Variants in ABCA4 observed in about 807,000 individuals in gnomAD.
ABCA4 encodes ATP binding cassette subfamily A member 4.
A neutral mutation model predicts 263.7 loss-of-function variants in ABCA4; 196 were observed. That is an observed-to-expected ratio of 0.74 (90% CI 0.66 to 0.84). The LOEUF (loss-of-function observed/expected upper bound fraction) is 0.84. Ranked by LOEUF, ABCA4 falls within the 40% of genes least tolerant of loss-of-function variation. ABCA4 has a pLI of 0.00. For missense variants in ABCA4, 2,792 were observed against 2,855.1 expected, an observed-to-expected ratio of 0.98 and a Z score of 0.50; for synonymous variants, 1,133 against 1,094.2, an observed-to-expected ratio of 1.04 and a Z score of -0.70.
intron 47 of ABCA4, among the ~76,000 whole-genome samples, chr1:93,999,829 A>G (rs1183006583): frequency 6.6e-6 from 1 of 152,194 alleles, no homozygotes; most frequent in Non-Finnish European, 1.5e-5. Flanking sequence ...AAGGAATAGG[A>G]GACTTCCCTT....
rs1355894773 is a variant in ABCA4, at chr1:94,116,984, T to TTG, written c.67-3919_67-3918insCA. On this transcript the variant is annotated intron_variant, in intron 1 of 49. Coordinates refer to ENST00000370225, the MANE Select transcript of ABCA4 (RefSeq NM_000350.3). ...TCTTTCTTTCTCTTTCTTTCTTTCT[T>TTG]TCTTTCTTTCTTTCTTTCTTTCTTT... 7.9e-4 allele frequency among the ~76,000 whole-genome samples: 92 copies of TTG among 116,684 alleles called. 1 individual carries two copies. The highest frequency in any genetic ancestry group is 2.8e-3 in the African/African-American group (84 of 30,486). 76.5% of individuals were successfully genotyped at this position (116,684 alleles called of 152,430 possible).
intron 44 of ABCA4, among the ~76,000 whole-genome samples, chr1:94,003,584 A>G (rs58541150): frequency 6.6e-6 from 1 of 152,100 alleles, no homozygotes; most frequent in East Asian, 1.9e-4. Flanking sequence ...TGTTTCTCCC[A>G]TGTAACCAAT....
In ABCA4 at chr1:94,060,519, C is replaced by G; in HGVS notation, c.2160+18G>C. 4 of 1,610,022 alleles carry G rather than the reference C, an allele frequency of 2.5e-6. No individual in the cohort carries two copies. Among genetic ancestry groups the G allele is most frequent in the Non-Finnish European group, 3.4e-6 (4 of 1,177,312 alleles). On this transcript the variant is annotated intron_variant, in intron 14 of 49. Transcript: ENST00000370225. ...CCAAAGTATTCAAGATTTTCTGGGC[C>G]TTCTCCATTTGGCTTACCATGATGA...
chr1:94,086,509 C>CTAGGTAG (rs943631703), intron 6 of ABCA4, among the ~76,000 whole-genome samples: 9 of 151,278 alleles, frequency 5.9e-5, no homozygotes, highest in African/African-American at 2.2e-4. Context: ...ATCGTATTGC[C>CTAGGTAG]TAGGTAGTTC....
chr1:94,062,995 T>C (rs1465823877), intron 12 of ABCA4, 117 bp downstream of exon 12: 4 of 1,167,974 alleles, frequency 3.4e-6, no homozygotes, highest in Non-Finnish European at 5.1e-6. Flanking sequence ...ATCTTATTTT[T>C]TCTTATTTAA....
At chr1:94,103,207 C>A (rs534918436) in intron 4 of ABCA4, 65 bp from the exon 5 acceptor site, 4 of 1,585,942 alleles carry the variant, frequency 2.5e-6, no homozygotes, top group Non-Finnish European at 3.5e-6. Context: ...AGGAAAACAG[C>A]CAGAGTCGAT....
chr1:94,023,481 T>C, intron 31 of ABCA4, 63 bp from the exon 32 acceptor site: 1 of 1,346,288 alleles, frequency 7.4e-7, no homozygotes, highest in Non-Finnish European at 1.1e-6. Context: ...TTAACTTTCT[T>C]TCCCAAACAT....
chr1:94,102,988 G>A (rs1662323808), intron 5 of ABCA4, 27 bp downstream of exon 5: 2 of 1,614,026 alleles, frequency 1.2e-6, no homozygotes, highest in East Asian at 2.2e-5. Context: ...CCCCTCCAGG[G>A]ACCACTGGCC....
At chr1:94,037,397 G>A in intron 24 of ABCA4, 47 bp from the exon 25 acceptor site, 1 of 1,575,310 alleles carries the variant, frequency 6.3e-7, no homozygotes, top group South Asian at 1.1e-5. Flanking sequence ...TCCAGAAACT[G>A]GAAGACTGTG....
At chr1:94,016,087 A>G (rs1382652185) in intron 36 of ABCA4, among the ~76,000 whole-genome samples, 2 of 152,178 alleles carry the variant, frequency 1.3e-5, no homozygotes, top group Non-Finnish European at 2.9e-5. Flanking sequence ...ATCTTTTGAA[A>G]GGATCAATTA....
rs1353051176 is a variant in ABCA4 at position 94,010,597 on chromosome 1, A to T, written c.5714+203T>A. 5.4e-6 allele frequency: 4 copies of T among 734,608 alleles called. No homozygotes were observed. In the South Asian group the frequency reaches 6.0e-5, roughly 11 times the overall value. The allele number at this position is 734,608 out of a possible 1,614,324, so 45.5% of individuals were successfully genotyped here. A position where few individuals can be genotyped will look rare whatever the true frequency, so the allele number is the denominator to read the frequency against. On this transcript the variant is annotated intron_variant, in intron 40 of 49. Transcript: ENST00000370225. ...AATAGCACTGCATTTTAAATATTTT[A>T]AAGTGGATGCTCTTCACATATTTGA...
At position 94,062,596 on chromosome 1, in the gene ABCA4, G is replaced by C. The variant is rs766570903; in HGVS notation, c.1918C>G (p.Pro640Ala). The change falls in exon 13 of 50, where the codon CCC (proline) becomes GCC (alanine). Residue 640 changes from proline to alanine, a missense_variant. Coordinates refer to ENST00000370225, the MANE Select transcript of ABCA4 (RefSeq NM_000350.3). Reference sequence around the variant, plus strand: ...ACTCACGAATCGTCCACGAAGCAGGGGTAGGGCATCTGCTGGAGGTAGATT... The same window carrying C: ...ACTCACGAATCGTCCACGAAGCAGGCGTAGGGCATCTGCTGGAGGTAGATT... Reference protein sequence around the residue: ...VGIYLQQMPYPCFVDDSFMII... With the variant: ...VGIYLQQMPYACFVDDSFMII... The C allele has an allele frequency of 6.2e-7, 1 of 1,614,170 alleles. No individual in the cohort carries two copies. The highest frequency in any genetic ancestry group is 8.5e-7 in the Non-Finnish European group (1 of 1,180,034).
intron 30 of ABCA4, among the ~76,000 whole-genome samples, chr1:94,026,962 G>A (rs1405473883): frequency 6.6e-6 from 1 of 150,686 alleles, no homozygotes; most frequent in Non-Finnish European, 1.5e-5. Flanking sequence ...GAGAAAGATA[G>A]AGAGAGAATG....
chr1:94,015,926 G>A (rs1483363763), intron 36 of ABCA4, 72 bp from the exon 37 acceptor site: 2 of 1,302,230 alleles, frequency 1.5e-6, no homozygotes, highest in Non-Finnish European at 2.2e-6. Context: ...AATGAGGGGT[G>A]GGGCCAGGCT....
At position 94,118,115 on chromosome 1, in the gene ABCA4, C is replaced by T. The variant is rs1342087185; in HGVS notation, c.66+2865G>A. Among the ~76,000 whole-genome samples, 3 of 152,218 alleles carry T rather than the reference C, an allele frequency of 2.0e-5. No individual in the cohort carries two copies. In the South Asian group the frequency reaches 6.2e-4, roughly 32 times the overall value. ...CATGGGTGTGAATCCCAGGTCCAAC[C>T]CCACCAGTTACTAATCCTTCTCTGG... On this transcript the variant is annotated intron_variant, in intron 1 of 49. Transcript: ENST00000370225.
intron 13 of ABCA4, among the ~76,000 whole-genome samples, chr1:94,061,613 G>T (rs1661131920): frequency 1.3e-5 from 2 of 152,136 alleles, no homozygotes; most frequent in Admixed American, 6.5e-5. Flanking sequence ...GCCACCAGAG[G>T]ACTCTCCCAT....
At chr1:94,070,507 A>G (rs1315468386) in intron 11 of ABCA4, among the ~76,000 whole-genome samples, 2 of 152,182 alleles carry the variant, frequency 1.3e-5, no homozygotes, top group Non-Finnish European at 2.9e-5. Flanking sequence ...CAACCTTTAC[A>G]GCCCAGAGAA....
At chr1:94,068,928 A>G (rs963260681) in intron 11 of ABCA4, among the ~76,000 whole-genome samples, 2 of 152,236 alleles carry the variant, frequency 1.3e-5, no homozygotes, top group African/African-American at 4.8e-5. Context: ...ACAGCCAATG[A>G]CAATAAAGCA....
In ABCA4 at chr1:94,023,330, T is replaced by C; in HGVS notation, c.4667+56A>G. ...AGGTGTGCCTTTTAAAAGTGTGCAA[T>C]TATTTCAACAATGAATCAATCTGAG... On this transcript the variant is annotated intron_variant, in intron 32 of 49. Coordinates refer to ENST00000370225, the MANE Select transcript of ABCA4 (RefSeq NM_000350.3). 4 of 1,451,678 alleles carry C rather than the reference T, an allele frequency of 2.8e-6. No homozygotes were observed. The South Asian group carries it at 4.7e-5, about 17-fold the overall frequency. The allele number at this position is 1,451,678 out of a possible 1,614,324, so 89.9% of individuals were successfully genotyped here. A position where few individuals can be genotyped will look rare whatever the true frequency, so the allele number is the denominator to read the frequency against.
Sources: gnomAD v4.1 joint callset for allele counts (sites outside exome capture counted in the v4.1 genomes callset) on GRCh38, gnomAD v4.1.1 for gene constraint, MANE v1.5 for transcripts, NCBI Gene and HGNC (gene_info 2026-07-23, HGNC 2026-07-21) for gene names.